The following CLCN1 variants were observed in gnomAD, a reference collection of about 807,000 sequenced individuals.
CLCN1 encodes the protein chloride voltage-gated channel 1, also known as chloride channel protein 1.
CLCN1 carries 100 observed loss-of-function variants against 114.5 expected under a neutral mutation model. The observed-to-expected ratio is 0.87, with a 90% CI of 0.74 to 1.03. The LOEUF (loss-of-function observed/expected upper bound fraction) is 1.03. CLCN1 is among the 50% of genes least tolerant of loss of function. CLCN1 has a pLI of 0.00. For missense variants in CLCN1, 1,188 were observed against 1,250.0 expected (o/e 0.95, Z 0.75); for synonymous variants, 485 against 487.1 (o/e 1.00, Z 0.06).
rs74730156 is a variant in CLCN1 at position 143,316,825 on chromosome 7, C to G, written c.180+433C>G. ...AGAATACACACAAACATGAATCTTTCTGCAGAAGGCAGAAGAAAGGAATTG... is the reference window on the plus strand; with the variant it reads ...AGAATACACACAAACATGAATCTTTGTGCAGAAGGCAGAAGAAAGGAATTG... On this transcript the variant is annotated intron_variant, in intron 1 of 22. Coordinates refer to ENST00000343257, the MANE Select transcript of CLCN1 (RefSeq NM_000083.3). 1.0e-2 allele frequency among the ~76,000 whole-genome samples: 1,518 copies of G among 152,296 alleles called. 29 individuals carry two copies. Among genetic ancestry groups the G allele is most frequent in the African/African-American group, 0.035 (1,444 of 41,546 alleles).
At chr7:143,342,331 T>C (rs758155770) in intron 15 of CLCN1, 41 bp from the exon 16 acceptor site, 38 of 1,611,812 alleles carry the variant, frequency 2.4e-5, no homozygotes, top group Non-Finnish European at 3.1e-5. Context: ...AAGGGATAGG[T>C]ATACGGTGGG....
rs1803410046 is a variant in CLCN1, at chr7:143,351,665, C to A, written c.2667C>A (p.Asn889Lys). ...GCCCTCCCCTTGCCAGCTTCCGGAA[C>A]ACGACTTCAACTCGAAAGAGTACCG... ...QLRPPLASFRNTTSTRKSTGA... is the reference protein window; with the variant it reads ...QLRPPLASFRKTTSTRKSTGA... The change falls in exon 23 of 23, where the codon AAC (asparagine) becomes AAA (lysine). Residue 889 changes from asparagine (N) to lysine (K), a missense_variant. Coordinates refer to ENST00000343257, the MANE Select transcript of CLCN1 (RefSeq NM_000083.3). 1 of 1,614,066 alleles carries A rather than the reference C, an allele frequency of 6.2e-7. No homozygotes were observed. Among genetic ancestry groups the A allele is most frequent in the Non-Finnish European group, 8.5e-7 (1 of 1,180,044 alleles).
Position 143,350,780 on chromosome 7 carries a change from C to CTTTT in CLCN1, c.2595+137_2595+140dup. ...CTCAGATTCCCTTCTCTATTTCTTT[C>CTTTT]TTTTTTTTTTTTTTGAGACAGAGTT... On this transcript the variant is annotated intron_variant, in intron 22 of 22. Coordinates refer to ENST00000343257, the MANE Select transcript of CLCN1 (RefSeq NM_000083.3). This position sits in a 1 kb window ranked among gnomAD's most constrained non-coding sequence, Gnocchi z 5.1. The CTTTT allele has an allele frequency of 1.6e-6, 1 of 606,562 alleles. No homozygotes were observed. The highest frequency in any genetic ancestry group is 2.9e-6 in the Non-Finnish European group (1 of 349,446). The allele number at this position is 606,562 out of a possible 1,614,324, so 37.6% of individuals were successfully genotyped here.
intron 16 of CLCN1, among the ~76,000 whole-genome samples, chr7:143,344,757 T>TG (rs1563086303): frequency 6.7e-6 from 1 of 149,902 alleles, no homozygotes; most frequent in South Asian, 2.1e-4. Flanking sequence ...CAGGGTTTTT[T>TG]TTTTTTTTTT....
At chr7:143,333,411 C>A (rs1315352583) in intron 12 of CLCN1, among the ~76,000 whole-genome samples, 1 of 152,122 alleles carries the variant, frequency 6.6e-6, no homozygotes, top group Non-Finnish European at 1.5e-5. Flanking sequence ...AGTTATCTAA[C>A]CCTTCTAATT....
chr7:143,339,142 G>A lies in CLCN1; in HGVS notation c.1402-111G>A, dbSNP rs185328628. On this transcript the variant is annotated intron_variant, in intron 12 of 22. Transcript: ENST00000343257. This position sits in a 1 kb window ranked among gnomAD's most constrained non-coding sequence, Gnocchi z 4.1. ...TGACAGACAAAGTGACTTTCAGAAG[G>A]ATCAGCTATCCCAGGATTTCTGCAG... 3 of 813,938 alleles carry A rather than the reference G, an allele frequency of 3.7e-6. No homozygotes were observed. The Admixed American group carries it at 5.1e-5, about 14-fold the overall frequency. The allele number at this position is 813,938 out of a possible 1,614,324, so 50.4% of individuals were successfully genotyped here. A position where few individuals can be genotyped will look rare whatever the true frequency, so the allele number is the denominator to read the frequency against.
chr7:143,331,695 G>T (rs1209683330), intron 10 of CLCN1, 43 bp downstream of exon 10: 1 of 1,382,670 alleles, frequency 7.2e-7, no homozygotes, highest in East Asian at 2.3e-5. Flanking sequence ...TTACTTTCTG[G>T]TTTCTCCAAG....
intron 16 of CLCN1, 87 bp from the exon 17 acceptor site, chr7:143,345,434 C>T (rs1202209900): frequency 7.0e-6 from 10 of 1,430,980 alleles, no homozygotes; most frequent in Non-Finnish European, 9.2e-6. Flanking sequence ...AGGGTGGCGC[C>T]TCTCCTGTTC....
intron 22 of CLCN1, among the ~76,000 whole-genome samples, chr7:143,351,383 T>C (rs1586522769): frequency 6.6e-6 from 1 of 152,296 alleles, no homozygotes; most frequent in East Asian, 1.9e-4. Context: ...CAGGTGGATC[T>C]TTTGTCATGC....
chr7:143,347,239 G>A (rs1311608661), intron 20 of CLCN1, among the ~76,000 whole-genome samples: 1 of 152,096 alleles, frequency 6.6e-6, no homozygotes, highest in Non-Finnish European at 1.5e-5. Flanking sequence ...GAGATTATGG[G>A]CTTTCTGGAT....
Position 143,326,070 on chromosome 7 carries a change from G to T in CLCN1, c.853+1578G>T, listed in dbSNP as rs184426030. Reference sequence around the variant, plus strand: ...CTTGCTCTGTCACCCAGGCTGGAGTGCAGTGGCACCATCTTGGCTCACTGC... The same window carrying T: ...CTTGCTCTGTCACCCAGGCTGGAGTTCAGTGGCACCATCTTGGCTCACTGC... On this transcript the variant is annotated intron_variant, in intron 7 of 22. Coordinates refer to ENST00000343257, the MANE Select transcript of CLCN1 (RefSeq NM_000083.3). Among the ~76,000 whole-genome samples the T allele has an allele frequency of 2.5e-3, 388 of 152,210 alleles. 2 individuals are homozygous for T. Among genetic ancestry groups the T allele is most frequent in the African/African-American group, 8.6e-3 (359 of 41,530 alleles).
rs142195610 is a variant in CLCN1 at position 143,351,393 on chromosome 7, C to T, written c.2596-201C>T. 6.7e-3 allele frequency among the ~76,000 whole-genome samples: 1,020 copies of T among 152,094 alleles called. 18 individuals are homozygous for T. The highest frequency in any genetic ancestry group is 0.023 in the African/African-American group (967 of 41,502). On this transcript the variant is annotated intron_variant, in intron 22 of 22. Transcript: ENST00000343257. Reference sequence around the variant, plus strand: ...CTGGGCAGGTGGATCTTTTGTCATGCCCCTTTTCTTGTCCTTTTTCTGTTT... The same window carrying T: ...CTGGGCAGGTGGATCTTTTGTCATGTCCCTTTTCTTGTCCTTTTTCTGTTT...
chr7:143,331,335 T>A lies in CLCN1; in HGVS notation c.1064+19T>A. 1 of 1,557,138 alleles carries A rather than the reference T, an allele frequency of 6.4e-7. No homozygotes were observed. The highest frequency in any genetic ancestry group is 8.9e-7 in the Non-Finnish European group (1 of 1,128,162). The stretch of plus-strand genomic sequence containing the variant: ...CCATCGGGTCAGTGGGGTTACCTGC[T>A]CTGTGTGTGGTGAGCAGGGTGTGGA... On this transcript the variant is annotated intron_variant, in intron 9 of 22. Transcript: ENST00000343257.
intron 22 of CLCN1, 127 bp from the exon 23 acceptor site, chr7:143,351,467 G>T: frequency 1.0e-6 from 1 of 965,292 alleles, no homozygotes; most frequent in Non-Finnish European, 1.5e-6. Flanking sequence ...TCCCCGTTTT[G>T]CCACTCTATA....
In CLCN1 at chr7:143,323,336, T is replaced by G; in HGVS notation, c.724T>G (p.Cys242Gly). Residue 242 changes from cysteine to glycine, a missense_variant, in exon 6 of 23, where the codon TGT (cysteine) becomes GGT (glycine). By Grantham distance (159) the Cys-to-Gly change is radical. Coordinates refer to ENST00000343257, the MANE Select transcript of CLCN1 (RefSeq NM_000083.3). ...EGPFVHIASICAAVLSKFMSV... is the reference protein window; with the variant it reads ...EGPFVHIASIGAAVLSKFMSV... Reference sequence around the variant, plus strand: ...CCCCTTCGTCCACATTGCCAGCATCTGTGCTGCTGTCCTCAGCAAATTCAT... The same window carrying G: ...CCCCTTCGTCCACATTGCCAGCATCGGTGCTGCTGTCCTCAGCAAATTCAT... 1 of 1,613,254 alleles carries G rather than the reference T, an allele frequency of 6.2e-7. No individual in the cohort carries two copies. The highest frequency in any genetic ancestry group is 8.5e-7 in the Non-Finnish European group (1 of 1,179,322).
intron 14 of CLCN1, among the ~76,000 whole-genome samples, chr7:143,341,575 TAA>T (rs1803075309): frequency 3.5e-4 from 1 of 2,832 alleles, no homozygotes; most frequent in Non-Finnish European, 5.9e-4. Flanking sequence ...TAATAATTAA[TAA>T]TAATAATAAT....
chr7:143,320,574 TCTC>T, intron 2 of CLCN1, 87 bp from the exon 3 acceptor site: 1 of 1,111,390 alleles, frequency 9.0e-7, no homozygotes, highest in South Asian at 1.3e-5. Context: ...TCTCTCTCTC[TCTC>T]TCTCTCTCTG....
chr7:143,345,821 CGTCTGGGCTG>C, intron 17 of CLCN1, 59 bp downstream of exon 17: 1 of 1,409,028 alleles, frequency 7.1e-7, no homozygotes, highest in Non-Finnish European at 9.7e-7. Context: ...GGAAAAGCGT[CGTCTGGGCTG>C]GGCTGGGCTG....
Position 143,324,010 on chromosome 7 carries a change from C to A in CLCN1, c.775-404C>A. 2.6e-6 allele frequency: 1 copy of A among 385,634 alleles called. No individual in the cohort carries two copies. Among genetic ancestry groups the A allele is most frequent in the Non-Finnish European group, 5.1e-6 (1 of 197,626 alleles). The allele number at this position is 385,634 out of a possible 1,614,324, so 23.9% of individuals were successfully genotyped here. On this transcript the variant is annotated intron_variant, in intron 6 of 22. Transcript: ENST00000343257. This position sits in a 1 kb window ranked among gnomAD's most constrained non-coding sequence, Gnocchi z 4.6. ...TCCAGGGAATGACTGTGGATCACAG[C>A]CCCTGCGGTCCAGATACCTATATTT...
Sources: allele counts gnomAD v4.1 joint callset (sites outside exome capture counted in the v4.1 genomes callset), GRCh38; gene constraint gnomAD v4.1.1; non-coding constraint Gnocchi (gnomAD v3.1); transcripts MANE v1.5; gene names NCBI Gene and HGNC (gene_info 2026-07-23, HGNC 2026-07-21).